The following SDC2 variants were observed in gnomAD, a reference collection of about 807,000 sequenced individuals.
The protein encoded by SDC2 is syndecan 2.
SDC2 carries 13 observed loss-of-function variants against 22.2 expected under a neutral mutation model. That is an observed-to-expected ratio of 0.59 (90% CI 0.38 to 0.93). The LOEUF (loss-of-function observed/expected upper bound fraction) is 0.93. Among genes scored for constraint, SDC2 ranks in the 40% least tolerant of loss-of-function variants. The probability of loss-of-function intolerance (pLI) is 0.00; values close to 1 mark genes in which losing one functional copy is unlikely to be tolerated. For missense variants in SDC2, 235 were observed against 246.8 expected (o/e 0.95, Z 0.32); for synonymous variants, 94 against 92.8 (o/e 1.01, Z -0.07).
intron 1 of SDC2, among the ~76,000 whole-genome samples, chr8:96,549,391 G>A (rs990934964): frequency 5.3e-5 from 8 of 152,134 alleles, no homozygotes; most frequent in East Asian, 1.9e-4. Flanking sequence ...GGTGGAGGGC[G>A]AATAACAAAA....
At chr8:96,512,760 C>T (rs1813347319) in intron 1 of SDC2, among the ~76,000 whole-genome samples, 1 of 152,128 alleles carries the variant, frequency 6.6e-6, no homozygotes, top group South Asian at 2.1e-4. Flanking sequence ...GAGACTGTAA[C>T]AGTGTACTTT....
intron 1 of SDC2, among the ~76,000 whole-genome samples, chr8:96,512,119 G>A (rs1218760961): frequency 6.6e-6 from 1 of 152,092 alleles, no homozygotes; most frequent in Non-Finnish European, 1.5e-5. Flanking sequence ...AGCCTGGAGG[G>A]GTAACATGTC....
chr8:96,561,061 A>ACC (rs937387603), intron 1 of SDC2, among the ~76,000 whole-genome samples: 3 of 152,262 alleles, frequency 2.0e-5, no homozygotes, highest in African/African-American at 7.2e-5. Flanking sequence ...CCGAGATGGC[A>ACC]CCACTGCACT....
chr8:96,505,023 G>A (rs1474863851), intron 1 of SDC2, among the ~76,000 whole-genome samples: 1 of 152,122 alleles, frequency 6.6e-6, no homozygotes, highest in Non-Finnish European at 1.5e-5. Flanking sequence ...GCCAGGAGAA[G>A]GAATTTCACA....
chr8:96,578,085 T>C (rs1814533634), intron 1 of SDC2, among the ~76,000 whole-genome samples: 1 of 152,234 alleles, frequency 6.6e-6, no homozygotes, highest in African/African-American at 2.4e-5. Context: ...TTAATTTTTC[T>C]GCCAGATATG....
chr8:96,515,985 G>C (rs1813396146), intron 1 of SDC2, among the ~76,000 whole-genome samples: 1 of 152,130 alleles, frequency 6.6e-6, no homozygotes, highest in Non-Finnish European at 1.5e-5. Flanking sequence ...TGGAAGGGGA[G>C]CCCTTCCAGG....
rs59145556 is a variant in SDC2 at position 96,592,884 on chromosome 8, G to C, written c.61-596G>C. Reference sequence around the variant, plus strand: ...CCTCACGGGCGCTGCTCCTCTCCGGGCACTGTGGCTGGCCTCAGCACAGGT... The same window carrying C: ...CCTCACGGGCGCTGCTCCTCTCCGGCCACTGTGGCTGGCCTCAGCACAGGT... On this transcript the variant is annotated intron_variant, in intron 1 of 4. Coordinates refer to ENST00000302190, the MANE Select transcript of SDC2 (RefSeq NM_002998.4). Among the ~76,000 whole-genome samples, 915 of 152,342 alleles carry C rather than the reference G, an allele frequency of 6.0e-3. 11 individuals are homozygous for C. The highest frequency in any genetic ancestry group is 0.021 in the African/African-American group (877 of 41,582).
At chr8:96,519,070 T>C (rs575510597) in intron 1 of SDC2, among the ~76,000 whole-genome samples, 1 of 152,304 alleles carries the variant, frequency 6.6e-6, no homozygotes, top group African/African-American at 2.4e-5. Flanking sequence ...AGCCCTTGCG[T>C]GACAATTTTC....
chr8:96,606,954 TGCACA>T (rs1275862873), intron 3 of SDC2, among the ~76,000 whole-genome samples: 1 of 152,164 alleles, frequency 6.6e-6, no homozygotes, highest in African/African-American at 2.4e-5. Flanking sequence ...GGAACCAGGC[TGCACA>T]GCAGGAAGTG....
intron 1 of SDC2, among the ~76,000 whole-genome samples, chr8:96,564,317 C>T (rs1328467759): frequency 6.6e-6 from 1 of 152,196 alleles, no homozygotes; most frequent in African/African-American, 2.4e-5. Context: ...GGCCTATAGC[C>T]TATTAAAGGC....
chr8:96,518,020 C>T (rs1003603443), intron 1 of SDC2, among the ~76,000 whole-genome samples: 11 of 151,958 alleles, frequency 7.2e-5, no homozygotes, highest in Admixed American at 7.2e-4. Flanking sequence ...TTTTTCTCTC[C>T]CTCCCTGAAA....
chr8:96,607,054 T>C (rs1041753039), intron 3 of SDC2, among the ~76,000 whole-genome samples: 6 of 152,186 alleles, frequency 3.9e-5, no homozygotes, highest in Non-Finnish European at 7.3e-5. Context: ...GCAAACGCGA[T>C]TGTGAACTGT....
At chr8:96,560,236 A>G (rs539970042) in intron 1 of SDC2, among the ~76,000 whole-genome samples, 2 of 152,336 alleles carry the variant, frequency 1.3e-5, no homozygotes, top group East Asian at 3.9e-4. Flanking sequence ...AGTATTTTAC[A>G]AAATGTTACT....
intron 1 of SDC2, among the ~76,000 whole-genome samples, chr8:96,555,275 C>A (rs1182110752): frequency 6.6e-6 from 1 of 152,050 alleles, no homozygotes; most frequent in Non-Finnish European, 1.5e-5. Context: ...AATGCCGATT[C>A]TTTCATTATA....
chr8:96,518,852 T>G (rs1586276457), intron 1 of SDC2, among the ~76,000 whole-genome samples: 1 of 152,330 alleles, frequency 6.6e-6, no homozygotes, highest in East Asian at 1.9e-4. Context: ...CGTTAAATTT[T>G]TTTGAACTGA....
intron 1 of SDC2, among the ~76,000 whole-genome samples, chr8:96,571,560 G>A (rs944278198): frequency 1.3e-5 from 2 of 152,154 alleles, no homozygotes. Flanking sequence ...TGTGGTTCTG[G>A]GGTTTGATTC....
At chr8:96,516,793 A>G (rs1316523470) in intron 1 of SDC2, among the ~76,000 whole-genome samples, 1 of 152,204 alleles carries the variant, frequency 6.6e-6, no homozygotes, top group Non-Finnish European at 1.5e-5. Context: ...TTTATTGTGC[A>G]TTGCATATAG....
chr8:96,495,096 T>A (rs376176522), intron 1 of SDC2, among the ~76,000 whole-genome samples: 1 of 152,108 alleles, frequency 6.6e-6, no homozygotes, highest in Non-Finnish European at 1.5e-5. Context: ...GACATTTTCA[T>A]AGGAGTTACA....
At chr8:96,516,395 C>A (rs936378944) in intron 1 of SDC2, among the ~76,000 whole-genome samples, 1 of 152,092 alleles carries the variant, frequency 6.6e-6, no homozygotes, top group Non-Finnish European at 1.5e-5. Context: ...TAGAGTTGTA[C>A]ATATAGGTAC....
Sources: gnomAD v4.1 joint callset for allele counts (sites outside exome capture counted in the v4.1 genomes callset) on GRCh38, gnomAD v4.1.1 for gene constraint, MANE v1.5 for transcripts, NCBI Gene and HGNC (gene_info 2026-07-23, HGNC 2026-07-21) for gene names.